The following PRAMEF26 variants were observed in gnomAD, a reference collection of about 807,000 sequenced individuals.
PRAMEF26 encodes the protein PRAME family member 26, also known as PRAME family member 25.
At chr1:13,155,231 G>T (rs1642994358) in intron 1 of PRAMEF26, 2 of 140,070 alleles carry the variant, frequency 1.4e-5, no homozygotes, top group African/African-American at 5.2e-5. Flanking sequence ...AAAAAAAAAA[G>T]TAGAGGCCAA....
intron 3 of PRAMEF26, chr1:13,150,188 G>C (rs1350177743): frequency 5.5e-6 from 1 of 182,376 alleles, no homozygotes; most frequent in Non-Finnish European, 1.1e-5. Context: ...AGAATCGCTT[G>C]AACCCAGGAG....
At chr1:13,150,660 C>T (rs1642972669) in intron 3 of PRAMEF26, 1 of 2,078 alleles carries the variant, frequency 4.8e-4, no homozygotes, top group East Asian at 0.01. Flanking sequence ...TTCATGTTCA[C>T]GGAACTGTGG....
At chr1:13,155,191 T>C (rs1230996834) in intron 1 of PRAMEF26, 7 of 144,760 alleles carry the variant, frequency 4.8e-5, no homozygotes, top group African/African-American at 1.7e-4. Flanking sequence ...GGGCTACAGA[T>C]GCATGCCACC....
At chr1:13,150,095 C>A (rs1413309406) in intron 3 of PRAMEF26, 1 of 100,822 alleles carries the variant, frequency 9.9e-6, no homozygotes, top group Non-Finnish European at 2.1e-5. Flanking sequence ...ATGGCAAAAC[C>A]TCCTCTCTAC....
At chr1:13,155,547 T>G in intron 1 of PRAMEF26, 1 of 75,490 alleles carries the variant, frequency 1.3e-5, no homozygotes. Context: ...AAAAAAACGT[T>G]GTGTAGAGGA....
rs1454330362 is a variant in PRAMEF26, at chr1:13,155,871, A to G, written c.-17+13T>C. Reference sequence around the variant, plus strand: ...GTCAGATGGGAGTGTCCTTACAGAAATTAATGACTTACCAGATCTGGATGT... The same window carrying G: ...GTCAGATGGGAGTGTCCTTACAGAAGTTAATGACTTACCAGATCTGGATGT... On this transcript the variant is annotated intron_variant, in intron 1 of 3. Coordinates refer to ENST00000624207, the MANE Select transcript of PRAMEF26 (RefSeq NM_001306072.3). 4.4e-5 allele frequency: 4 copies of G among 90,722 alleles called. No individual in the cohort carries two copies. The highest frequency in any genetic ancestry group is 7.9e-5 in the Non-Finnish European group (4 of 50,462). The allele number at this position is 90,722 out of a possible 1,614,324, so 5.6% of individuals were successfully genotyped here. A position where few individuals can be genotyped will look rare whatever the true frequency, so the allele number is the denominator to read the frequency against.
rs1302164265 is a variant in PRAMEF26, at chr1:13,155,866, C to G, written c.-17+18G>C. On this transcript the variant is annotated intron_variant, in intron 1 of 3. Transcript: ENST00000624207. ...TGTAGGTCAGATGGGAGTGTCCTTA[C>G]AGAAATTAATGACTTACCAGATCTG... is the stretch of plus-strand genomic sequence containing the variant. 1.1e-5 allele frequency: 1 copy of G among 91,552 alleles called. No homozygotes were observed. The highest frequency in any genetic ancestry group is 2.0e-5 in the Non-Finnish European group (1 of 50,880). 5.7% of individuals were successfully genotyped at this position (91,552 alleles called of 1,614,324 possible). A position where few individuals can be genotyped will look rare whatever the true frequency, so the allele number is the denominator to read the frequency against.
intron 3 of PRAMEF26, chr1:13,150,613 AAG>A (rs1345457523): frequency 3.0e-3 from 23 of 7,682 alleles, no homozygotes; most frequent in South Asian, 7.8e-3. Flanking sequence ...TGGAGCTCAA[AAG>A]AAACTTTTAC....
At position 13,150,421 on chromosome 1, in the gene PRAMEF26, A is replaced by C. The variant is rs1195221062; in HGVS notation, c.876-623T>G. On this transcript the variant is annotated intron_variant, in intron 3 of 3. Transcript: ENST00000624207. ...TCCCTGGGCCACAGAAGCCCAGTGG[A>C]GATGCAGGCATAAAGGACAAACCCA... 1.2e-4 allele frequency: 7 copies of C among 59,354 alleles called. No homozygotes were observed. The Admixed American group carries it at 1.5e-3, about 12-fold the overall frequency. The allele number at this position is 59,354 out of a possible 1,614,324, so 3.7% of individuals were successfully genotyped here. A position where few individuals can be genotyped will look rare whatever the true frequency, so the allele number is the denominator to read the frequency against.
At chr1:13,150,279 A>G (rs1642967870) in intron 3 of PRAMEF26, 1 of 194,324 alleles carries the variant, frequency 5.1e-6, no homozygotes, top group Non-Finnish European at 1.1e-5. Context: ...AAAAAAAAAA[A>G]AGGAGAAAAA....
chr1:13,155,184 C>A (rs1642993379), intron 1 of PRAMEF26: 2 of 145,126 alleles, frequency 1.4e-5, no homozygotes, highest in South Asian at 4.3e-4. Flanking sequence ...ATAGCTGGGG[C>A]TACAGATGCA....
intron 1 of PRAMEF26, chr1:13,155,261 C>T (rs1217706577): frequency 1.4e-5 from 2 of 141,796 alleles, no homozygotes; most frequent in Admixed American, 7.1e-5. Flanking sequence ...GCTCATGGCT[C>T]TAATCCCAGC....
At chr1:13,150,536 C>T (rs1642971339) in intron 3 of PRAMEF26, 1 of 48,348 alleles carries the variant, frequency 2.1e-5, no homozygotes, top group Non-Finnish European at 5.0e-5. Context: ...TCACTTTCAC[C>T]ATTCTTTGTG....
At chr1:13,155,810 G>A (rs1294189161) in intron 1 of PRAMEF26, 74 bp downstream of exon 1, 3 of 99,720 alleles carry the variant, frequency 3.0e-5, no homozygotes, top group Non-Finnish European at 1.8e-5. Context: ...GCCATCGTAG[G>A]CTGCACTGTC....
chr1:13,150,497 A>C (rs1553179146), intron 3 of PRAMEF26: 3 of 62,472 alleles, frequency 4.8e-5, no homozygotes, highest in Non-Finnish European at 7.4e-5. Flanking sequence ...GGCGTCCCTG[A>C]CACGCCTGTA....
chr1:13,155,025 A>G (rs1390768071), intron 1 of PRAMEF26: 4 of 89,336 alleles, frequency 4.5e-5, no homozygotes, highest in Non-Finnish European at 4.6e-5. Context: ...AATTAAGGTC[A>G]AAGATCCTTT....
chr1:13,155,149 T>C (rs1268252291), intron 1 of PRAMEF26: 2 of 141,118 alleles, frequency 1.4e-5, no homozygotes, highest in East Asian at 4.0e-4. Flanking sequence ...TGGGCTAAAG[T>C]GATTCTCCCA....
intron 1 of PRAMEF26, chr1:13,155,365 C>G (rs1179332323): frequency 9.7e-6 from 1 of 103,404 alleles, no homozygotes; most frequent in Non-Finnish European, 1.9e-5. Context: ...ACTAAAAATA[C>G]AAAAATTAGC....
intron 1 of PRAMEF26, chr1:13,155,282 G>A (rs1642995217): frequency 7.2e-6 from 1 of 139,338 alleles, no homozygotes; most frequent in Non-Finnish European, 1.6e-5. Flanking sequence ...ATTTTGGGAG[G>A]CCAAGGCAGG....
Sources: allele counts gnomAD v4.1 joint callset, GRCh38; gene constraint gnomAD v4.1.1; transcripts MANE v1.5; gene names NCBI Gene and HGNC (gene_info 2026-07-23, HGNC 2026-07-21).